UPK1A: variants seen among roughly 807,000 people sequenced by gnomAD.
UPK1A encodes the protein uroplakin 1A.
In UPK1A, 31 loss-of-function variants were observed where a neutral mutation model predicts 32.3. The ratio of observed to expected loss-of-function variants is 0.96; its 90% CI spans 0.72 to 1.30. The LOEUF (loss-of-function observed/expected upper bound fraction) is 1.30. Among genes scored for constraint, UPK1A ranks in the 50% most tolerant of loss-of-function variants. UPK1A has a pLI of 0.00. For synonymous variants in UPK1A, 135 were observed against 137.1 expected (o/e 0.98, Z 0.11); for missense variants, 340 against 357.4 (o/e 0.95, Z 0.39).
intron 3 of UPK1A, among the ~76,000 whole-genome samples, chr19:35,671,064 A>T (rs1338531583): frequency 6.6e-6 from 1 of 151,690 alleles, no homozygotes; most frequent in Non-Finnish European, 1.5e-5. Flanking sequence ...AATTTAACCA[A>T]AGCCCTAAAA....
At chr19:35,669,264 T>A (rs1968049144) in intron 3 of UPK1A, among the ~76,000 whole-genome samples, 1 of 152,130 alleles carries the variant, frequency 6.6e-6, no homozygotes, top group African/African-American at 2.4e-5. Context: ...AGTTTCAACC[T>A]GAGCAGATCG....
intron 6 of UPK1A, 82 bp from the exon 7 acceptor site, chr19:35,677,730 T>C (rs1968202394): frequency 6.5e-7 from 1 of 1,545,852 alleles, no homozygotes; most frequent in Non-Finnish European, 8.8e-7. Context: ...GTGGTGACTT[T>C]CCCAAGGGCG....
intron 6 of UPK1A, among the ~76,000 whole-genome samples, chr19:35,677,251 C>T (rs147685762): frequency 1.6e-3 from 238 of 150,456 alleles, no homozygotes; most frequent in African/African-American, 5.0e-3. Context: ...AGGCCGGGCG[C>T]GCACAGTGGC....
exon 2 of UPK1A, chr19:35,666,850 C>A (rs768744929): frequency 1.2e-6 from 2 of 1,614,120 alleles, no homozygotes; most frequent in Non-Finnish European, 1.7e-6. Context: ...GAGAAGGGAT[C>A]TCCAGTTGTG....
In UPK1A at chr19:35,672,656, C is replaced by T. The variant is rs1968120794; in HGVS notation, c.286-576C>T. Reference sequence around the variant, plus strand: ...GATCATAGCTCGCTGAGGCCTCCAACTACTGGGCTCAAACGATCCTCCAAC... The same window carrying T: ...GATCATAGCTCGCTGAGGCCTCCAATTACTGGGCTCAAACGATCCTCCAAC... On this transcript the variant is annotated intron_variant, in intron 3 of 7. Coordinates refer to ENST00000617999, the Ensembl canonical transcript of UPK1A. 1.3e-5 allele frequency among the ~76,000 whole-genome samples: 2 copies of T among 152,260 alleles called. 1 individual carries two copies. The highest frequency in any genetic ancestry group is 4.1e-4 in the South Asian group (2 of 4,836).
chr19:35,675,041 CAAA>C (rs1174443353), intron 5 of UPK1A, among the ~76,000 whole-genome samples: 18 of 78,874 alleles, frequency 2.3e-4, no homozygotes, highest in African/African-American at 4.7e-4. Context: ...GACTCCGTCT[CAAA>C]AAAAAAAAAA....
chr19:35,675,814 G>T, intron 5 of UPK1A, 26 bp from the exon 6 acceptor site: 1 of 1,586,640 alleles, frequency 6.3e-7, no homozygotes. Flanking sequence ...GCCCGAGCCT[G>T]CCTGACCCCC....
chr19:35,668,347 G>T, intron 2 of UPK1A, 107 bp from the exon 3 acceptor site: 1 of 1,340,196 alleles, frequency 7.5e-7, no homozygotes. Flanking sequence ...CCACTTTACT[G>T]AGAGGGCAGT....
chr19:35,667,793 C>T (rs1258609470), intron 2 of UPK1A, among the ~76,000 whole-genome samples: 2 of 150,928 alleles, frequency 1.3e-5, no homozygotes, highest in Non-Finnish European at 3.0e-5. Flanking sequence ...CGCGACTGGC[C>T]GTGTGTTTGT....
chr19:35,667,011 C>T, intron 2 of UPK1A, 115 bp downstream of exon 2: 1 of 1,032,062 alleles, frequency 9.7e-7, no homozygotes, highest in Non-Finnish European at 1.5e-6. Flanking sequence ...ACTCAGTGGT[C>T]AGCACAGCCT....
chr19:35,672,995 G>A (rs972586746), intron 3 of UPK1A, among the ~76,000 whole-genome samples: 7 of 152,156 alleles, frequency 4.6e-5, no homozygotes, highest in African/African-American at 1.7e-4. Flanking sequence ...GATTATAGGC[G>A]TGAGCCACCA....
rs73600901 is a variant in UPK1A, at chr19:35,676,122, G to A, written c.648+103G>A. Reference sequence around the variant, plus strand: ...TCTTTCTCCCTCCCTGTGTCTGTCCGTCTAGCTTTTTCCCTCTCCTCTTCC... The same window carrying A: ...TCTTTCTCCCTCCCTGTGTCTGTCCATCTAGCTTTTTCCCTCTCCTCTTCC... On this transcript the variant is annotated intron_variant, in intron 6 of 7. Coordinates refer to ENST00000617999, the Ensembl canonical transcript of UPK1A. 3,339 of 1,312,014 alleles carry A rather than the reference G, an allele frequency of 2.5e-3. 73 individuals carry two copies. In the African/African-American group the frequency reaches 0.045, roughly 18 times the overall value. The allele number at this position is 1,312,014 out of a possible 1,614,324, so 81.3% of individuals were successfully genotyped here. A position where few individuals can be genotyped will look rare whatever the true frequency, so the allele number is the denominator to read the frequency against.
intron 3 of UPK1A, among the ~76,000 whole-genome samples, chr19:35,669,992 C>T (rs902896763): frequency 2.0e-5 from 3 of 152,176 alleles, no homozygotes; most frequent in African/African-American, 7.2e-5. Flanking sequence ...AAGCCCTTGA[C>T]CCAGGGAAGT....
At chr19:35,673,693 C>T (rs1240569927) in intron 5 of UPK1A, 148 bp downstream of exon 5, 2 of 700,760 alleles carry the variant, frequency 2.9e-6, no homozygotes, top group Non-Finnish European at 4.7e-6. Flanking sequence ...GCGGTCATCA[C>T]CGTTCTGCGG....
At chr19:35,675,901 C>A (rs768637606) in exon 6 of UPK1A, 4 of 1,613,916 alleles carry the variant, frequency 2.5e-6, no homozygotes, top group South Asian at 1.1e-5. Context: ...GCCTTCCGGG[C>A]GGCCACTCCG....
chr19:35,673,557 G>A lies in UPK1A; in HGVS notation c.468+12G>A, dbSNP rs199779121. The A allele has an allele frequency of 3.8e-4, 619 of 1,612,076 alleles. No homozygotes were observed. Among genetic ancestry groups the A allele is most frequent in the Admixed American group, 1.7e-3 (102 of 59,918 alleles). On this transcript the variant is annotated intron_variant, in intron 5 of 7. Transcript: ENST00000617999. ...GCGTCATGATTGAGGTGGGCGGGGT[G>A]GACCGGGTGCTGGGAGGGCCCTGGG...
chr19:35,670,307 G>A (rs1568347165), intron 3 of UPK1A, among the ~76,000 whole-genome samples: 1 of 151,998 alleles, frequency 6.6e-6, no homozygotes, highest in African/African-American at 2.4e-5. Context: ...CAGGAGGGAA[G>A]GCAGGTGTTG....
At chr19:35,676,191 CTTTCTTT>C (rs1968179648) in intron 6 of UPK1A, 172 bp downstream of exon 6, 2 of 773,596 alleles carry the variant, frequency 2.6e-6, no homozygotes, top group South Asian at 2.1e-5. Flanking sequence ...TTCTTTCTTT[CTTTCTTT>C]TTTTTTTTTC....
chr19:35,673,278 G>T, exon 4 of UPK1A: 1 of 1,614,038 alleles, frequency 6.2e-7, no homozygotes, highest in Non-Finnish European at 8.5e-7. Flanking sequence ...TGCGCCTCCT[G>T]CATCACGTCC....
Sources: gnomAD v4.1 joint callset for allele counts (sites outside exome capture counted in the v4.1 genomes callset) on GRCh38, gnomAD v4.1.1 for gene constraint, MANE v1.5 for transcripts, NCBI Gene and HGNC (gene_info 2026-07-23, HGNC 2026-07-21) for gene names.